Variants in SLC68A1 observed in about 807,000 individuals in gnomAD.
The protein encoded by SLC68A1 is major facilitator superfamily domain containing 13A.
chr10:102,461,656 A>G, the SLC68A1 span, among the ~76,000 whole-genome samples: 1 of 151,860 alleles, frequency 6.6e-6, no homozygotes. Context: ...TCAAGGGGGC[A>G]AGGGTGGAAT....
At chr10:102,476,074 A>ATTTTT in the SLC68A1 span, 1 of 1,167,692 alleles carries the variant, frequency 8.6e-7, no homozygotes, top group Non-Finnish European at 1.1e-6. Context: ...AGGATTTCAT[A>ATTTTT]GTTTTTTTTT....
the SLC68A1 span, chr10:102,471,514 C>T: frequency 1.4e-6 from 2 of 1,416,858 alleles, no homozygotes; most frequent in Non-Finnish European, 1.9e-6. Context: ...AGTCCCAGCA[C>T]TTTGGGAGGC....
chr10:102,463,081 A>G, the SLC68A1 span, among the ~76,000 whole-genome samples: 5 of 152,014 alleles, frequency 3.3e-5, no homozygotes, highest in East Asian at 1.9e-4. Flanking sequence ...TTAGGGGCCA[A>G]TCGACCCAGC....
At chr10:102,476,975 A>C in the SLC68A1 span, 1 of 985,814 alleles carries the variant, frequency 1.0e-6, no homozygotes, top group South Asian at 4.7e-5. Flanking sequence ...GGGCTCCCCC[A>C]CCCCCACACG....
chr10:102,469,068 G>C, the SLC68A1 span: 1 of 1,614,002 alleles, frequency 6.2e-7, no homozygotes, highest in Non-Finnish European at 8.5e-7. Context: ...TGCTGGGTCT[G>C]CCCACAGCTG....
the SLC68A1 span, among the ~76,000 whole-genome samples, chr10:102,467,926 T>G: frequency 6.6e-6 from 1 of 152,084 alleles, no homozygotes; most frequent in African/African-American, 2.4e-5. Context: ...CCAAAGTGCC[T>G]TATTACAGGC....
the SLC68A1 span, chr10:102,472,975 A>T: frequency 6.4e-7 from 1 of 1,557,478 alleles, no homozygotes; most frequent in Non-Finnish European, 8.9e-7. Flanking sequence ...TGGGTGCTTC[A>T]TGCAAGCTGG....
chr10:102,475,099 C>T, the SLC68A1 span, among the ~76,000 whole-genome samples: 143,483 of 151,734 alleles, frequency 0.95, 68,367 homozygotes, highest in East Asian at 1. Context: ...TGAGACCAGC[C>T]TGGTCAACAT....
At chr10:102,471,176 G>A in the SLC68A1 span, 8 of 386,538 alleles carry the variant, frequency 2.1e-5, no homozygotes, top group Middle Eastern at 1.0e-3. Flanking sequence ...GTCTGATTTC[G>A]GTGCTGGGTC....
At chr10:102,476,601 T>C in the SLC68A1 span, 8 of 985,956 alleles carry the variant, frequency 8.1e-6, no homozygotes, top group Admixed American at 1.2e-4. Context: ...GCCAGAAGCA[T>C]CACTGCAGTG....
At chr10:102,473,055 C>T in the SLC68A1 span, 99 of 905,844 alleles carry the variant, frequency 1.1e-4, 1 homozygote, top group Admixed American at 2.3e-4. Context: ...CTCCATTTCC[C>T]GACCCAGTGA....
At chr10:102,471,001 C>G in the SLC68A1 span, 3 of 1,613,182 alleles carry the variant, frequency 1.9e-6, no homozygotes, top group Middle Eastern at 1.6e-4. Context: ...GCGCTTTCTG[C>G]GTGACACTGG....
At chr10:102,476,951 C>T in the SLC68A1 span, 1 of 985,752 alleles carries the variant, frequency 1.0e-6, no homozygotes, top group Non-Finnish European at 1.2e-6. Flanking sequence ...AAGTGGCATG[C>T]CTCCTCTGCT....
chr10:102,461,897 TG>T, the SLC68A1 span: 1 of 152,218 alleles, frequency 6.6e-6, no homozygotes, highest in East Asian at 1.9e-4. Context: ...TCGGTATTAT[TG>T]CACAGCTCCT....
the SLC68A1 span, chr10:102,471,084 A>G: frequency 1.2e-6 from 2 of 1,613,672 alleles, no homozygotes; most frequent in African/African-American, 2.7e-5. Flanking sequence ...GCCCGAAAGG[A>G]CCCAGGGTGC....
the SLC68A1 span, chr10:102,472,716 A>G: frequency 1.4e-6 from 1 of 724,974 alleles, no homozygotes; most frequent in African/African-American, 1.7e-5. Flanking sequence ...GTTTAGGGAC[A>G]TGGGGAAAAA....
chr10:102,473,345 G>T, the SLC68A1 span, among the ~76,000 whole-genome samples: 1 of 152,140 alleles, frequency 6.6e-6, no homozygotes, highest in Non-Finnish European at 1.5e-5. Flanking sequence ...GCAGCCTCAG[G>T]TGGGTTAGTT....
the SLC68A1 span, chr10:102,465,926 G>T: frequency 6.6e-6 from 1 of 152,326 alleles, no homozygotes; most frequent in Non-Finnish European, 1.5e-5. Flanking sequence ...ACAGGGGGCC[G>T]GGGGCAGTTT....
At chr10:102,467,041 T>C in the SLC68A1 span, among the ~76,000 whole-genome samples, 1 of 152,356 alleles carries the variant, frequency 6.6e-6, no homozygotes, top group East Asian at 1.9e-4. Context: ...CATTTATTTG[T>C]ATTTATTTCT....
Sources: gnomAD v4.1 joint callset for allele counts (sites outside exome capture counted in the v4.1 genomes callset) on GRCh38, gnomAD v4.1.1 for gene constraint, MANE v1.5 for transcripts, NCBI Gene and HGNC (gene_info 2026-07-23, HGNC 2026-07-21) for gene names.